The following COBLL1 variants were observed in gnomAD, a reference collection of about 807,000 sequenced individuals.
COBLL1 encodes the protein cordon-bleu WH2 repeat protein like 1.
In COBLL1, 50 loss-of-function variants were observed where a neutral mutation model predicts 94.8. The ratio of observed to expected loss-of-function variants is 0.53; its 90% CI spans 0.42 to 0.67. The LOEUF is 0.67. Ranked by LOEUF, COBLL1 falls within the 30% of genes least tolerant of loss-of-function variation. The pLI is 0.00. For missense variants in COBLL1, 1,362 were observed against 1,348.7 expected (o/e 1.01, Z -0.15); for synonymous variants, 448 against 473.8 (o/e 0.95, Z 0.71).
At chr2:164,725,101 GATATATATATATATATATATATAT>G in intron 5 of COBLL1, 2 of 76,304 alleles carry the variant, frequency 2.6e-5, no homozygotes, top group East Asian at 5.7e-4. Context: ...TACCCTGCAG[GATATATATATATATATATATATAT>G]ATATATATAA....
Position 164,722,150 on chromosome 2 carries a change from G to C in COBLL1, c.921C>G (p.Pro307=). 6.2e-7 allele frequency: 1 copy of C among 1,614,078 alleles called. No individual in the cohort carries two copies. The highest frequency in any genetic ancestry group is 8.5e-7 in the Non-Finnish European group (1 of 1,179,976). ...LPPMPASQSV[P]QDLAHIQERP... ...TCTCCTGGATGTGTGCAAGGTCTTGGGGGACACTCTGAGATGCTGGCATCG... is the reference window on the plus strand; with the variant it reads ...TCTCCTGGATGTGTGCAAGGTCTTGCGGGACACTCTGAGATGCTGGCATCG... The change falls in exon 7 of 14, where the codon CCC becomes CCG. Residue 307 remains proline, a synonymous_variant. Transcript: ENST00000652658.
At chr2:164,801,362 C>G (rs1466891736) in intron 2 of COBLL1, among the ~76,000 whole-genome samples, 2 of 140,110 alleles carry the variant, frequency 1.4e-5, no homozygotes, top group East Asian at 4.3e-4. Flanking sequence ...TGGCGTGAAC[C>G]CGGGAGGCGG....
rs760006019 is a variant in COBLL1 at position 164,695,287 on chromosome 2, T to C, written c.2105A>G (p.Lys702Arg). The C allele has an allele frequency of 1.9e-6, 3 of 1,613,912 alleles. No individual in the cohort carries two copies. Among genetic ancestry groups the C allele is most frequent in the Non-Finnish European group, 1.7e-6 (2 of 1,179,922 alleles). The part of the protein sequence containing the change: ...IDKNSTASYL[K>R]NYPLYRQDYN... ...GTCCTGTCTATAAAGTGGGTAATTC[T>C]TTAGGTAAGAAGCAGTGGAATTTTT... is the stretch of plus-strand genomic sequence containing the variant. The change falls in exon 12 of 14, where the codon AAG becomes AGG. Residue 702 changes from lysine to arginine, a missense_variant. Transcript: ENST00000652658.
chr2:164,811,595 T>C (rs559523088), intron 2 of COBLL1, among the ~76,000 whole-genome samples: 1 of 151,962 alleles, frequency 6.6e-6, no homozygotes, highest in African/African-American at 2.4e-5. Flanking sequence ...TCTCAATTTC[T>C]GGGCTCTAAG....
At chr2:164,693,846 C>A (rs113966187) in intron 12 of COBLL1, among the ~76,000 whole-genome samples, 1 of 151,988 alleles carries the variant, frequency 6.6e-6, no homozygotes, top group Admixed American at 6.6e-5. Context: ...TTTTGTCTAG[C>A]CTCTCATACT....
chr2:164,689,115 A>T (rs1287404836), intron 13 of COBLL1, among the ~76,000 whole-genome samples: 1 of 152,132 alleles, frequency 6.6e-6, no homozygotes, highest in Non-Finnish European at 1.5e-5. Context: ...CTGTGACTAC[A>T]TGTGGGTTGA....
intron 2 of COBLL1, among the ~76,000 whole-genome samples, chr2:164,765,849 G>A (rs1687907976): frequency 6.6e-6 from 1 of 152,224 alleles, no homozygotes; most frequent in Admixed American, 6.5e-5. Flanking sequence ...AAAATGAAGG[G>A]CTATCTGGAA....
At chr2:164,705,688 T>A (rs992765763) in intron 7 of COBLL1, among the ~76,000 whole-genome samples, 3 of 152,138 alleles carry the variant, frequency 2.0e-5, no homozygotes, top group Non-Finnish European at 2.9e-5. Flanking sequence ...CTCTTTGCCT[T>A]TACCAAGAAT....
intron 5 of COBLL1, chr2:164,724,218 A>C (rs537859870): frequency 4.6e-5 from 7 of 152,326 alleles, no homozygotes; most frequent in East Asian, 1.9e-4. Context: ...TAATTAACTA[A>C]GATGTAGACA....
chr2:164,772,717 AC>A (rs1559000397), intron 2 of COBLL1, among the ~76,000 whole-genome samples: 1 of 152,126 alleles, frequency 6.6e-6, no homozygotes, highest in Non-Finnish European at 1.5e-5. Flanking sequence ...GATATTCTAT[AC>A]CACAATTTTA....
intron 7 of COBLL1, among the ~76,000 whole-genome samples, chr2:164,707,450 C>A (rs1684662032): frequency 6.6e-6 from 1 of 152,074 alleles, no homozygotes; most frequent in Non-Finnish European, 1.5e-5. Flanking sequence ...CAAATGTCAT[C>A]TTTTCAATGA....
At chr2:164,757,025 C>T (rs1002013583) in intron 2 of COBLL1, among the ~76,000 whole-genome samples, 2 of 152,080 alleles carry the variant, frequency 1.3e-5, no homozygotes, top group African/African-American at 4.8e-5. Flanking sequence ...ACAATGGACC[C>T]ACCTACATTT....
At chr2:164,746,172 A>G (rs2105569901) in intron 2 of COBLL1, among the ~76,000 whole-genome samples, 1 of 152,292 alleles carries the variant, frequency 6.6e-6, no homozygotes, top group Admixed American at 6.5e-5. Context: ...TATCATAAAT[A>G]GACCCAGAAT....
chr2:164,840,294 G>A (rs1400890920), intron 2 of COBLL1, among the ~76,000 whole-genome samples: 2 of 151,796 alleles, frequency 1.3e-5, no homozygotes, highest in South Asian at 2.1e-4. Context: ...ATGCTGGGGG[G>A]AAAAATCTTG....
chr2:164,793,157 T>C (rs1355193937), intron 2 of COBLL1, among the ~76,000 whole-genome samples: 1 of 152,202 alleles, frequency 6.6e-6, no homozygotes, highest in Non-Finnish European at 1.5e-5. Flanking sequence ...CAGTATAATG[T>C]AATTCAAACC....
chr2:164,743,659 T>A, intron 3 of COBLL1, 28 bp downstream of exon 3: 1 of 1,557,246 alleles, frequency 6.4e-7, no homozygotes, highest in Non-Finnish European at 8.9e-7. Context: ...GAAGGGGAGG[T>A]CCTGATATTT....
intron 2 of COBLL1, among the ~76,000 whole-genome samples, chr2:164,805,321 C>CTATATATATATA (rs1559033315): frequency 2.8e-5 from 1 of 35,590 alleles, no homozygotes; most frequent in Non-Finnish European, 5.6e-5. Context: ...CTCTCTCTCT[C>CTATATATATATA]TCTCTCTCTC....
At chr2:164,709,073 C>G (rs3769873) in intron 7 of COBLL1, among the ~76,000 whole-genome samples, 15,391 of 152,130 alleles carry the variant, frequency 0.1, 1,180 homozygotes, top group African/African-American at 0.22. Flanking sequence ...CTATTCATAA[C>G]TAAAGACAGA....
At chr2:164,692,144 A>G in intron 13 of COBLL1, 77 bp downstream of exon 13, 6 of 1,357,794 alleles carry the variant, frequency 4.4e-6, no homozygotes, top group Non-Finnish European at 5.9e-6. Context: ...TACATGCTAG[A>G]AAAATTTTTC....
Sources: allele counts gnomAD v4.1 joint callset (sites outside exome capture counted in the v4.1 genomes callset), GRCh38; gene constraint gnomAD v4.1.1; transcripts MANE v1.5; gene names NCBI Gene and HGNC (gene_info 2026-07-23, HGNC 2026-07-21).